The following PIP4K2A variants were observed in gnomAD, a reference collection of about 807,000 sequenced individuals.
PIP4K2A encodes phosphatidylinositol 5-phosphate 4-kinase type-2 alpha.
In PIP4K2A, 14 loss-of-function variants were observed where a neutral mutation model predicts 42.9. The ratio of observed to expected loss-of-function variants is 0.33; its 90% CI spans 0.22 to 0.51. The LOEUF (loss-of-function observed/expected upper bound fraction) is 0.51, where lower values mean the gene tolerates loss of function less well. Ranked by LOEUF, PIP4K2A falls within the 20% of genes least tolerant of loss-of-function variation. The pLI, the probability that PIP4K2A is intolerant of heterozygous loss-of-function variation, is 0.97. For synonymous variants in PIP4K2A, 192 were observed against 192.2 expected, an observed-to-expected ratio of 1.00 and a Z score of 0.01; for missense variants, 434 against 519.8, an observed-to-expected ratio of 0.83 and a Z score of 1.61.
intron 4 of PIP4K2A, among the ~76,000 whole-genome samples, chr10:22,578,707 CTTTCT>C (rs904786625): frequency 3.3e-5 from 5 of 152,178 alleles, no homozygotes; most frequent in Admixed American, 6.5e-5. Flanking sequence ...GTCCACAACC[CTTTCT>C]TTTGAGTTGC....
At chr10:22,636,425 C>G (rs189102217) in intron 1 of PIP4K2A, among the ~76,000 whole-genome samples, 1 of 152,050 alleles carries the variant, frequency 6.6e-6, no homozygotes, top group Non-Finnish European at 1.5e-5. Context: ...CTAATTAAAA[C>G]AAACAAACAA....
chr10:22,677,673 A>G (rs963678598), intron 1 of PIP4K2A, among the ~76,000 whole-genome samples: 3 of 152,252 alleles, frequency 2.0e-5, no homozygotes, highest in Non-Finnish European at 2.9e-5. Context: ...CAAGAAAAAA[A>G]TAAATCCTCA....
intron 1 of PIP4K2A, among the ~76,000 whole-genome samples, chr10:22,655,388 T>C (rs1839080269): frequency 6.6e-6 from 1 of 152,224 alleles, no homozygotes; most frequent in Admixed American, 6.5e-5. Context: ...TTGTGACTGC[T>C]GCCCTGCCTT....
At chr10:22,675,005 T>C (rs1419205321) in intron 1 of PIP4K2A, among the ~76,000 whole-genome samples, 2 of 152,060 alleles carry the variant, frequency 1.3e-5, no homozygotes, top group Admixed American at 1.3e-4. Context: ...ATATTTTTCA[T>C]GGGCAGCTAA....
chr10:22,640,486 T>C (rs1052337950), intron 1 of PIP4K2A, among the ~76,000 whole-genome samples: 7 of 152,152 alleles, frequency 4.6e-5, no homozygotes, highest in Non-Finnish European at 1.0e-4. Context: ...GGACAGCAGC[T>C]GTGGGGAAAA....
At chr10:22,683,854 C>G (rs1839710587) in intron 1 of PIP4K2A, among the ~76,000 whole-genome samples, 1 of 151,590 alleles carries the variant, frequency 6.6e-6, no homozygotes, top group African/African-American at 2.4e-5. Context: ...CACACACACA[C>G]ACACACACAC....
chr10:22,602,191 G>T (rs1169831711), intron 3 of PIP4K2A, among the ~76,000 whole-genome samples: 2 of 152,008 alleles, frequency 1.3e-5, no homozygotes, highest in African/African-American at 4.8e-5. Context: ...CCAGGAGTTC[G>T]AGACCAGCCT....
At chr10:22,594,689 C>T (rs1350421369) in intron 3 of PIP4K2A, among the ~76,000 whole-genome samples, 1 of 152,204 alleles carries the variant, frequency 6.6e-6, no homozygotes, top group African/African-American at 2.4e-5. Flanking sequence ...CATGAGCCAC[C>T]ATGCCCAGCG....
At chr10:22,704,685 C>T (rs899354795) in intron 1 of PIP4K2A, among the ~76,000 whole-genome samples, 3 of 145,438 alleles carry the variant, frequency 2.1e-5, no homozygotes, top group Admixed American at 6.9e-5. Context: ...ACAGAAAACA[C>T]GAGAAGACAC....
chr10:22,670,009 G>T (rs1037430102), intron 1 of PIP4K2A, among the ~76,000 whole-genome samples: 16 of 152,164 alleles, frequency 1.1e-4, no homozygotes, highest in African/African-American at 3.9e-4. Context: ...ATGACCTATT[G>T]TGTTTCTTAG....
chr10:22,687,285 T>C (rs559435463), intron 1 of PIP4K2A, among the ~76,000 whole-genome samples: 1 of 151,610 alleles, frequency 6.6e-6, no homozygotes, highest in African/African-American at 2.4e-5. Context: ...GAGAGAAAAA[T>C]GTTGCATGAT....
intron 4 of PIP4K2A, among the ~76,000 whole-genome samples, chr10:22,588,044 ACT>A (rs1446612910): frequency 6.6e-6 from 1 of 152,128 alleles, no homozygotes; most frequent in Non-Finnish European, 1.5e-5. Flanking sequence ...TGTAATTAAC[ACT>A]GTTACTCTTC....
At chr10:22,649,983 C>G (rs760206767) in intron 1 of PIP4K2A, among the ~76,000 whole-genome samples, 12 of 152,212 alleles carry the variant, frequency 7.9e-5, no homozygotes, top group Non-Finnish European at 1.3e-4. Flanking sequence ...GTTCATGGTT[C>G]TATCTGCCTT....
intron 1 of PIP4K2A, among the ~76,000 whole-genome samples, chr10:22,676,946 G>A (rs1476148956): frequency 6.6e-6 from 1 of 152,200 alleles, no homozygotes; most frequent in Non-Finnish European, 1.5e-5. Flanking sequence ...TTACCTGCTA[G>A]TAGGTTAGTC....
intron 1 of PIP4K2A, among the ~76,000 whole-genome samples, chr10:22,670,261 C>G (rs1839424305): frequency 6.6e-6 from 1 of 152,134 alleles, no homozygotes; most frequent in Non-Finnish European, 1.5e-5. Flanking sequence ...CCCCTGTAGT[C>G]CCACCTACTT....
Position 22,714,166 on chromosome 10 carries a change from C to T in PIP4K2A, c.144+17G>A, listed in dbSNP as rs1330785461. 1.3e-6 allele frequency: 2 copies of T among 1,596,766 alleles called. No individual in the cohort carries two copies. Among genetic ancestry groups the T allele is most frequent in the Admixed American group, 1.7e-5 (1 of 58,416 alleles). ...GAGGAGGAGGAAGGGGACCGCGCGC[C>T]GCAGCTGAGCCCTTACCGAGTGGTT... On this transcript the variant is annotated intron_variant, in intron 1 of 9. Coordinates refer to ENST00000376573, the MANE Select transcript of PIP4K2A (RefSeq NM_005028.5).
At chr10:22,596,392 G>T (rs1009358680) in intron 3 of PIP4K2A, among the ~76,000 whole-genome samples, 1 of 152,074 alleles carries the variant, frequency 6.6e-6, no homozygotes, top group African/African-American at 2.4e-5. Flanking sequence ...GGGCTGAGAT[G>T]AAAGAGAACA....
In PIP4K2A at chr10:22,547,562, T is replaced by TC. The variant is rs543759825; in HGVS notation, c.792+3096dup. Among the ~76,000 whole-genome samples, 100 of 152,274 alleles carry TC rather than the reference T, an allele frequency of 6.6e-4. No homozygotes were observed. In the Middle Eastern group the frequency reaches 0.01, roughly 16 times the overall value. Reference sequence around the variant, plus strand: ...TGTGCTCCATAAATGCTGCCACCCATCCCACTACTCCCACCGCCCTATCCC... The same window carrying TC: ...TGTGCTCCATAAATGCTGCCACCCATCCCCACTACTCCCACCGCCCTATCCC... On this transcript the variant is annotated intron_variant, in intron 7 of 9. Transcript: ENST00000376573.
rs1038021281 is a variant in PIP4K2A at position 22,624,214 on chromosome 10, T to C, written c.145-14497A>G. Among the ~76,000 whole-genome samples the C allele has an allele frequency of 2.6e-5, 4 of 152,366 alleles. 1 individual carries two copies. The highest frequency in any genetic ancestry group is 1.5e-5 in the Non-Finnish European group (1 of 68,032). On this transcript the variant is annotated intron_variant, in intron 1 of 9. Coordinates refer to ENST00000376573, the MANE Select transcript of PIP4K2A (RefSeq NM_005028.5). The stretch of plus-strand genomic sequence containing the variant: ...TAATGATTAACATGTAGAAGCTTCT[T>C]TCTGGGTTCCTCTGCTAGGAAAAGA...
Sources: gnomAD v4.1 joint callset for allele counts (sites outside exome capture counted in the v4.1 genomes callset) on GRCh38, gnomAD v4.1.1 for gene constraint, MANE v1.5 for transcripts, NCBI Gene and HGNC (gene_info 2026-07-23, HGNC 2026-07-21) for gene names.